The following DGCR8 variants were observed in gnomAD, a reference collection of about 807,000 sequenced individuals.
The protein encoded by DGCR8 is microprocessor complex subunit DGCR8.
In DGCR8, 14 loss-of-function variants were observed where a neutral mutation model predicts 78.5. The ratio of observed to expected loss-of-function variants is 0.18; its 90% CI spans 0.12 to 0.28. The LOEUF is 0.28. Among genes scored for constraint, DGCR8 ranks in the 10% least tolerant of loss-of-function variants. The pLI is 1.00. For synonymous variants in DGCR8, 399 were observed against 402.4 expected (o/e 0.99, Z 0.10); for missense variants, 702 against 1,022.5 (o/e 0.69, Z 4.28).
chr22:20,094,198 G>A (rs890071077), intron 8 of DGCR8, among the ~76,000 whole-genome samples: 31 of 152,162 alleles, frequency 2.0e-4, no homozygotes, highest in African/African-American at 7.2e-4. Flanking sequence ...GCTCTGTGGG[G>A]TCTATGGAGC....
rs1005684791 is a variant in DGCR8 at position 20,086,780 on chromosome 22, A to C, written c.720+97A>C. 1.4e-6 allele frequency: 2 copies of C among 1,421,764 alleles called. No homozygotes were observed. The highest frequency in any genetic ancestry group is 1.9e-6 in the Non-Finnish European group (2 of 1,066,510). The allele number at this position is 1,421,764 out of a possible 1,614,324, so 88.1% of individuals were successfully genotyped here. ...TTTGAAAGCAGGGAAATTAAAAAAA[A>C]AAAAAACAAAAACCAAAATCCCCTC... is the stretch of plus-strand genomic sequence containing the variant. On this transcript the variant is annotated intron_variant, in intron 2 of 13. Coordinates refer to ENST00000351989, the MANE Select transcript of DGCR8 (RefSeq NM_022720.7). This position sits in a 1 kb window ranked among gnomAD's most constrained non-coding sequence, Gnocchi z 6.4.
chr22:20,099,172 C>T (rs2049666312), intron 9 of DGCR8, among the ~76,000 whole-genome samples: 1 of 152,192 alleles, frequency 6.6e-6, no homozygotes, highest in Non-Finnish European at 1.5e-5. Flanking sequence ...CACAGAGTCT[C>T]CAGGTCAGTC....
At chr22:20,109,549 GC>G (rs2049810285) in intron 13 of DGCR8, among the ~76,000 whole-genome samples, 2 of 152,234 alleles carry the variant, frequency 1.3e-5, no homozygotes, top group Admixed American at 1.3e-4. Context: ...GCCCAGGCCA[GC>G]AGGTCCCTTG....
intron 1 of DGCR8, among the ~76,000 whole-genome samples, chr22:20,082,795 T>G (rs2049433251): frequency 6.6e-6 from 1 of 152,250 alleles, no homozygotes; most frequent in African/African-American, 2.4e-5. Flanking sequence ...GGTGAACCTT[T>G]CTTCCATAAT....
Position 20,086,810 on chromosome 22 carries a change from G to T in DGCR8, c.720+127G>T. On this transcript the variant is annotated intron_variant, in intron 2 of 13. Transcript: ENST00000351989. This position sits in a 1 kb window ranked among gnomAD's most constrained non-coding sequence, Gnocchi z 6.4. ...AACAAAAACCAAAATCCCCTCTGAG[G>T]TGGAATAATGTTAATGTGGAGAAGA... 3 of 1,093,206 alleles carry T rather than the reference G, an allele frequency of 2.7e-6. No homozygotes were observed. The highest frequency in any genetic ancestry group is 3.9e-6 in the Non-Finnish European group (3 of 771,992). The allele number at this position is 1,093,206 out of a possible 1,614,324, so 67.7% of individuals were successfully genotyped here. A position where few individuals can be genotyped will look rare whatever the true frequency, so the allele number is the denominator to read the frequency against.
Position 20,090,135 on chromosome 22 carries a change from C to T in DGCR8, c.1183C>T (p.Pro395Ser), listed in dbSNP as rs775735562. 17 of 1,614,126 alleles carry T rather than the reference C, an allele frequency of 1.1e-5. No individual in the cohort carries two copies. The highest frequency in any genetic ancestry group is 1.4e-5 in the Non-Finnish European group (17 of 1,180,052). Residue 395 changes from proline to serine, a missense_variant, in exon 5 of 14, where the codon CCT (proline) becomes TCT (serine). Around this residue, in one of 4 missense-constraint regions of DGCR8, gnomAD observed 119 missense variants for 126.1 expected, o/e 0.94. Transcript: ENST00000351989. ...SAELEFPLDE[P>S]DSMGADPGPP... ...AGAGCTGGAGTTTCCCCTGGATGAG[C>T]CTGACTCTATGGGTGCTGACCCGGG...
chr22:20,086,884 G>A lies in DGCR8; in HGVS notation c.720+201G>A. 1 of 802,928 alleles carries A rather than the reference G, an allele frequency of 1.2e-6. No individual in the cohort carries two copies. The highest frequency in any genetic ancestry group is 1.9e-6 in the Non-Finnish European group (1 of 528,438). 49.7% of individuals were successfully genotyped at this position (802,928 alleles called of 1,614,324 possible). On this transcript the variant is annotated intron_variant, in intron 2 of 13. Coordinates refer to ENST00000351989, the MANE Select transcript of DGCR8 (RefSeq NM_022720.7). This position sits in a 1 kb window ranked among gnomAD's most constrained non-coding sequence, Gnocchi z 6.4. ...TTTAAAGTTTCCTAATGAAAAGTTT[G>A]GCCCATGGGTAGGCCCTGCATCCCT...
intron 9 of DGCR8, among the ~76,000 whole-genome samples, chr22:20,103,978 G>T (rs150442035): frequency 6.6e-6 from 1 of 152,322 alleles, no homozygotes; most frequent in Non-Finnish European, 1.5e-5. Context: ...CATCTGCCAG[G>T]CACTGATTGC....
Position 20,111,320 on chromosome 22 carries a change from G to C in DGCR8, c.*1212G>C, listed in dbSNP as rs112947298. On this transcript the variant is annotated 3_prime_UTR_variant, in exon 14 of 14. Coordinates refer to ENST00000351989, the MANE Select transcript of DGCR8 (RefSeq NM_022720.7). ...TGAAGCAAGAGTCCAGCGTTCTGCC[G>C]TGTCTGTCCCCCACCATGCCCCCTA... 1 of 398,576 alleles carries C rather than the reference G, an allele frequency of 2.5e-6. No homozygotes were observed. Among genetic ancestry groups the C allele is most frequent in the South Asian group, 1.3e-4 (1 of 7,844 alleles). The allele number at this position is 398,576 out of a possible 1,614,324, so 24.7% of individuals were successfully genotyped here.
chr22:20,088,761 C>T (rs537172443), intron 3 of DGCR8, among the ~76,000 whole-genome samples: 50 of 152,196 alleles, frequency 3.3e-4, no homozygotes, highest in African/African-American at 1.2e-3. Flanking sequence ...CCCTTTTTCC[C>T]CTTATGTATA....
At chr22:20,084,938 TA>T in intron 1 of DGCR8, 13 of 982,006 alleles carry the variant, frequency 1.3e-5, no homozygotes, top group Non-Finnish European at 1.6e-5. Context: ...AGTGGCTCCT[TA>T]TTGTCCCCAG....
At chr22:20,107,579 A>G in intron 12 of DGCR8, 181 bp downstream of exon 12, 1 of 658,172 alleles carries the variant, frequency 1.5e-6, no homozygotes, top group Non-Finnish European at 2.6e-6. Flanking sequence ...TACATCTCCT[A>G]TCCCAGCCTG....
At chr22:20,108,267 C>G (rs982005970) in intron 12 of DGCR8, 1 of 152,524 alleles carries the variant, frequency 6.6e-6, no homozygotes, top group African/African-American at 2.4e-5. Context: ...TCTGCCCTTG[C>G]TGTGCATGGT....
Position 20,085,839 on chromosome 22 carries a change from G to A in DGCR8, c.-125G>A. On this transcript the variant is annotated 5_prime_UTR_variant, in exon 2 of 14. Coordinates refer to ENST00000351989, the MANE Select transcript of DGCR8 (RefSeq NM_022720.7). This position sits in a 1 kb window ranked among gnomAD's most constrained non-coding sequence, Gnocchi z 6.2. ...AGAGCAATGTGGCCAGCTTGACTAA[G>A]CCGCCAGCGCACAGCGCGGCAGGAC... 2 of 1,485,188 alleles carry A rather than the reference G, an allele frequency of 1.3e-6. No individual in the cohort carries two copies. The highest frequency in any genetic ancestry group is 1.8e-6 in the Non-Finnish European group (2 of 1,125,550). The allele number at this position is 1,485,188 out of a possible 1,614,324, so 92.0% of individuals were successfully genotyped here. A position where few individuals can be genotyped will look rare whatever the true frequency, so the allele number is the denominator to read the frequency against.
At chr22:20,101,118 A>G (rs1209553986) in intron 9 of DGCR8, 14 of 884,800 alleles carry the variant, frequency 1.6e-5, no homozygotes, top group African/African-American at 5.4e-5. Flanking sequence ...GTCGTTTTGA[A>G]TCACAAAAGA....
chr22:20,087,839 G>A lies in DGCR8; in HGVS notation c.880+518G>A, dbSNP rs533599393. 5.8e-4 allele frequency among the ~76,000 whole-genome samples: 88 copies of A among 152,300 alleles called. No individual in the cohort carries two copies. The highest frequency in any genetic ancestry group is 2.0e-3 in the African/African-American group (82 of 41,562). On this transcript the variant is annotated intron_variant, in intron 3 of 13. Transcript: ENST00000351989. The surrounding 1 kb of genome is among the most constrained non-coding windows in gnomAD (Gnocchi z 4.1). ...TGGGCAGGGTGGAAGTGCCCTGGTCGACGTGGCACTTCCTCAACTTTGAGT... is the reference window on the plus strand; with the variant it reads ...TGGGCAGGGTGGAAGTGCCCTGGTCAACGTGGCACTTCCTCAACTTTGAGT...
intron 10 of DGCR8, 83 bp downstream of exon 10, chr22:20,106,360 C>A: frequency 7.9e-7 from 1 of 1,271,326 alleles, no homozygotes; most frequent in Non-Finnish European, 1.1e-6. Context: ...GCTGTTTGTC[C>A]CAAGGCAGAG....
chr22:20,106,131 C>T (rs2049766969), intron 9 of DGCR8, 46 bp from the exon 10 acceptor site: 1 of 1,539,076 alleles, frequency 6.5e-7, no homozygotes, highest in Non-Finnish European at 9.0e-7. Context: ...CATGAAGAGG[C>T]CGGTGGGCCT....
chr22:20,090,123 C>G lies in DGCR8; in HGVS notation c.1171C>G (p.Pro391Ala). 1.2e-6 allele frequency: 2 copies of G among 1,614,222 alleles called. No homozygotes were observed. The highest frequency in any genetic ancestry group is 2.2e-5 in the East Asian group (1 of 44,882). The change falls in exon 5 of 14, where the codon CCC becomes GCC. Residue 391 changes from proline (P) to alanine (A), a missense_variant. Coordinates refer to ENST00000351989, the MANE Select transcript of DGCR8 (RefSeq NM_022720.7). The stretch of plus-strand genomic sequence containing the variant: ...GAGCCGATCTGCAGAGCTGGAGTTT[C>G]CCCTGGATGAGCCTGACTCTATGGG... ...PLSRSAELEF[P>A]LDEPDSMGAD...
Sources: gnomAD v4.1 joint callset for allele counts (sites outside exome capture counted in the v4.1 genomes callset) on GRCh38, gnomAD v4.1.1 for gene constraint, gnomAD v4.1.1 regional missense constraint, Gnocchi (gnomAD v3.1) non-coding constraint, MANE v1.5 for transcripts, NCBI Gene and HGNC (gene_info 2026-07-23, HGNC 2026-07-21) for gene names.